The following SPECC1 variants were observed in gnomAD, a reference collection of about 807,000 sequenced individuals.
SPECC1 encodes the protein cytospin-B.
A neutral mutation model predicts 104.1 loss-of-function variants in SPECC1; 62 were observed. The observed-to-expected ratio is 0.60, with a 90% CI of 0.49 to 0.74. The LOEUF (loss-of-function observed/expected upper bound fraction) is 0.74, where lower values mean the gene tolerates loss of function less well. SPECC1 is among the 30% of genes least tolerant of loss of function. The pLI is 0.00. For missense variants in SPECC1, 1,306 were observed against 1,310.5 expected (o/e 1.00, Z 0.05); for synonymous variants, 513 against 501.6 (o/e 1.02, Z -0.30).
chr17:20,055,116 C>G (rs1299064830), intron 1 of SPECC1, among the ~76,000 whole-genome samples: 1 of 152,148 alleles, frequency 6.6e-6, no homozygotes, highest in East Asian at 1.9e-4. Flanking sequence ...CAGGTAACCT[C>G]CATTGTACTC....
intron 1 of SPECC1, among the ~76,000 whole-genome samples, chr17:20,086,473 C>T (rs1470223659): frequency 1.3e-5 from 2 of 152,196 alleles, no homozygotes; most frequent in Non-Finnish European, 2.9e-5. Context: ...CTTAAGGCTT[C>T]TGTGCATTGA....
chr17:20,210,859 C>T (rs1014549443), intron 4 of SPECC1, among the ~76,000 whole-genome samples: 6 of 152,194 alleles, frequency 3.9e-5, no homozygotes, highest in Non-Finnish European at 8.8e-5. Flanking sequence ...CATGCCAGGC[C>T]TGGCCGGGCC....
intron 1 of SPECC1, among the ~76,000 whole-genome samples, chr17:20,028,635 T>C (rs1037545069): frequency 1.4e-3 from 210 of 152,340 alleles, no homozygotes; most frequent in Non-Finnish European, 1.2e-3. Flanking sequence ...CATTTGCAAT[T>C]GGCAAGTGAG....
At chr17:20,245,382 C>T (rs747598284) in intron 7 of SPECC1, among the ~76,000 whole-genome samples, 1 of 152,096 alleles carries the variant, frequency 6.6e-6, no homozygotes, top group Non-Finnish European at 1.5e-5. Flanking sequence ...TAGTGAATGC[C>T]CGGTGCCCTG....
At chr17:20,146,699 G>C (rs1374183179) in intron 3 of SPECC1, among the ~76,000 whole-genome samples, 1 of 152,180 alleles carries the variant, frequency 6.6e-6, no homozygotes, top group Non-Finnish European at 1.5e-5. Context: ...GAGGTCAGGA[G>C]TTCAAGACCA....
rs571014536 is a variant in SPECC1, at chr17:20,315,254, A to C, written c.*1189A>C. ...AGGCCTCTTTCATCGGCATGGGAAAAGCCCTTAGGGGTGGGCGGTGAGGGC... is the reference window on the plus strand; with the variant it reads ...AGGCCTCTTTCATCGGCATGGGAAACGCCCTTAGGGGTGGGCGGTGAGGGC... On this transcript the variant is annotated 3_prime_UTR_variant, in exon 15 of 15. Coordinates refer to ENST00000395527, the MANE Select transcript of SPECC1 (RefSeq NM_001243439.2). The C allele has an allele frequency of 1.7e-5, 4 of 232,586 alleles. No individual in the cohort carries two copies. Among genetic ancestry groups the C allele is most frequent in the Non-Finnish European group, 3.4e-5 (4 of 117,616 alleles). The allele number at this position is 232,586 out of a possible 1,614,324, so 14.4% of individuals were successfully genotyped here. A position where few individuals can be genotyped will look rare whatever the true frequency, so the allele number is the denominator to read the frequency against.
chr17:20,184,460 A>G (rs993559856), intron 3 of SPECC1, among the ~76,000 whole-genome samples: 13 of 152,202 alleles, frequency 8.5e-5, no homozygotes, highest in Non-Finnish European at 1.6e-4. Flanking sequence ...GATTTTGATT[A>G]TTTTGCTCTT....
At chr17:20,100,147 A>G (rs966459004) in intron 2 of SPECC1, among the ~76,000 whole-genome samples, 2 of 152,106 alleles carry the variant, frequency 1.3e-5, no homozygotes, top group African/African-American at 2.4e-5. Context: ...TACCATGCGC[A>G]TATTAGGGGC....
intron 1 of SPECC1, among the ~76,000 whole-genome samples, chr17:20,066,752 T>A (rs72830112): frequency 1.5e-4 from 5 of 33,496 alleles, no homozygotes; most frequent in African/African-American, 5.5e-4. Flanking sequence ...GCTTAAGTAG[T>A]TTTTTTTTTC....
At chr17:20,098,881 G>A (rs1363005930) in intron 2 of SPECC1, among the ~76,000 whole-genome samples, 1 of 152,086 alleles carries the variant, frequency 6.6e-6, no homozygotes, top group African/African-American at 2.4e-5. Context: ...TTTTGTACTC[G>A]GCTCTGTCCC....
chr17:20,144,512 T>G (rs755328296), intron 3 of SPECC1, among the ~76,000 whole-genome samples: 8 of 152,082 alleles, frequency 5.3e-5, no homozygotes, highest in South Asian at 2.1e-4. Flanking sequence ...CATGACCCCA[T>G]TGGTACCCCT....
intron 1 of SPECC1, among the ~76,000 whole-genome samples, chr17:20,037,788 T>C (rs2045151954): frequency 6.6e-6 from 1 of 152,204 alleles, no homozygotes; most frequent in African/African-American, 2.4e-5. Context: ...TTTCTGAAGA[T>C]ATTTTTCACA....
intron 3 of SPECC1, among the ~76,000 whole-genome samples, chr17:20,128,460 G>A (rs1290380632): frequency 1.3e-5 from 2 of 152,168 alleles, no homozygotes; most frequent in Non-Finnish European, 2.9e-5. Context: ...ATCACAAGGA[G>A]GGAGCAGGAA....
chr17:20,288,971 G>A (rs977247411), intron 12 of SPECC1, among the ~76,000 whole-genome samples: 3 of 151,930 alleles, frequency 2.0e-5, no homozygotes, highest in African/African-American at 7.3e-5. Flanking sequence ...TTTTAGTAGA[G>A]ATGGGATTTC....
At chr17:20,240,060 A>ATTTT (rs748689632) in intron 7 of SPECC1, among the ~76,000 whole-genome samples, 471 of 32,186 alleles carry the variant, frequency 0.015, 91 homozygotes, top group East Asian at 0.084. Context: ...TGTCCAGCTA[A>ATTTT]TTTTTTTTTT....
intron 1 of SPECC1, among the ~76,000 whole-genome samples, chr17:20,041,346 G>A (rs762807693): frequency 7.3e-4 from 110 of 151,610 alleles, no homozygotes; most frequent in Non-Finnish European, 1.2e-3. Flanking sequence ...GAGTTCAAGC[G>A]ATTCTCCTGC....
intron 3 of SPECC1, among the ~76,000 whole-genome samples, chr17:20,172,223 C>T (rs1046324456): frequency 1.3e-5 from 2 of 152,176 alleles, no homozygotes; most frequent in Non-Finnish European, 2.9e-5. Flanking sequence ...GGCCTCAGGG[C>T]TCCTGCATGG....
In SPECC1 at chr17:20,285,142, G is replaced by T. The variant is rs369525086; in HGVS notation, c.2941-11819G>T. Reference sequence around the variant, plus strand: ...ACCAAATGTTAATAACCAAGGCAAGGCAAGTAACCAGGCAACCAAGGCAAG... The same window carrying T: ...ACCAAATGTTAATAACCAAGGCAAGTCAAGTAACCAGGCAACCAAGGCAAG... On this transcript the variant is annotated intron_variant, in intron 12 of 14. Coordinates refer to ENST00000395527, the MANE Select transcript of SPECC1 (RefSeq NM_001243439.2). Among the ~76,000 whole-genome samples, 43 of 152,290 alleles carry T rather than the reference G, an allele frequency of 2.8e-4. No homozygotes were observed. The East Asian group carries it at 4.0e-3, about 14-fold the overall frequency.
chr17:20,182,871 C>T (rs1433373706), intron 3 of SPECC1, among the ~76,000 whole-genome samples: 2 of 152,154 alleles, frequency 1.3e-5, no homozygotes, highest in African/African-American at 4.8e-5. Flanking sequence ...TCTGGCCACA[C>T]CCAGCTGCAA....
Sources: allele counts gnomAD v4.1 joint callset (sites outside exome capture counted in the v4.1 genomes callset), GRCh38; gene constraint gnomAD v4.1.1; transcripts MANE v1.5; gene names NCBI Gene and HGNC (gene_info 2026-07-23, HGNC 2026-07-21).